Variants in GALNT18 observed in about 807,000 individuals in gnomAD.
GALNT18 encodes GalNAc-transferase 18.
Under a neutral mutation model 69.5 loss-of-function variants are expected in GALNT18, and 44 were observed. That is an observed-to-expected ratio of 0.63 (90% CI 0.50 to 0.81). The LOEUF (loss-of-function observed/expected upper bound fraction) is 0.81. Ranked by LOEUF, GALNT18 falls within the 40% of genes least tolerant of loss-of-function variation. GALNT18 has a pLI of 0.00. For synonymous variants in GALNT18, 364 were observed against 318.2 expected (o/e 1.14, Z -1.53); for missense variants, 715 against 810.0 (o/e 0.88, Z 1.42).
chr11:11,271,388 CTGTG>C (rs1344602137), intron 10 of GALNT18, 98 bp from the exon 11 acceptor site: 1 of 1,278,792 alleles, frequency 7.8e-7, no homozygotes, highest in Non-Finnish European at 1.1e-6. Flanking sequence ...CTGACATTAT[CTGTG>C]TGGCCAGATC....
At chr11:11,426,356 G>A (rs1269015745) in intron 3 of GALNT18, among the ~76,000 whole-genome samples, 9 of 152,186 alleles carry the variant, frequency 5.9e-5, no homozygotes, top group African/African-American at 1.7e-4. Flanking sequence ...GAGCTGAGGC[G>A]GAGGCAGCTG....
At chr11:11,359,517 C>G (rs571403364) in intron 6 of GALNT18, among the ~76,000 whole-genome samples, 7 of 152,294 alleles carry the variant, frequency 4.6e-5, no homozygotes, top group African/African-American at 1.7e-4. Flanking sequence ...TCTGGCTCCT[C>G]TCATTTAGTA....
chr11:11,517,523 A>T (rs1443856244), intron 1 of GALNT18, among the ~76,000 whole-genome samples: 2 of 152,258 alleles, frequency 1.3e-5, no homozygotes, highest in African/African-American at 4.8e-5. Context: ...TGAAATGCAT[A>T]TTTGTGGTGT....
At chr11:11,484,137 T>C (rs1856592495) in intron 1 of GALNT18, among the ~76,000 whole-genome samples, 2 of 152,078 alleles carry the variant, frequency 1.3e-5, no homozygotes, top group South Asian at 4.1e-4. Context: ...CTCTGAGCAA[T>C]TAAAAAGAAA....
rs74541545 is a variant in GALNT18 at position 11,278,635 on chromosome 11, T to C, written c.1678-7345A>G. ...CAAATTTTGCATGTTCTTACTCACA[T>C]ATGGGAGTTAAAATTAAAAAAAAAA... On this transcript the variant is annotated intron_variant, in intron 10 of 10. Coordinates refer to ENST00000227756, the MANE Select transcript of GALNT18 (RefSeq NM_198516.3). Among the ~76,000 whole-genome samples, 1,086 of 151,828 alleles carry C rather than the reference T, an allele frequency of 7.2e-3. 17 individuals are homozygous for C. The highest frequency in any genetic ancestry group is 0.025 in the African/African-American group (1,042 of 41,378).
rs1466308861 is a variant in GALNT18, at chr11:11,341,019, G to A, written c.1093-15C>T. 1 of 1,580,778 alleles carries A rather than the reference G, an allele frequency of 6.3e-7. No individual in the cohort carries two copies. Among genetic ancestry groups the A allele is most frequent in the East Asian group, 2.3e-5 (1 of 43,806 alleles). On this transcript the variant is annotated splice_polypyrimidine_tract_variant and intron_variant, in intron 6 of 10. Coordinates refer to ENST00000227756, the MANE Select transcript of GALNT18 (RefSeq NM_198516.3). The surrounding 1 kb of genome is among the most constrained non-coding windows in gnomAD (Gnocchi z 6.3). ...CACTGCCACACCTGCAGAAGACATG[G>A]AGCCACTTGTCAGAGCCTGCCTGGC...
At chr11:11,517,689 C>A (rs1257035730) in intron 1 of GALNT18, among the ~76,000 whole-genome samples, 1 of 152,000 alleles carries the variant, frequency 6.6e-6, no homozygotes, top group South Asian at 2.1e-4. Flanking sequence ...TAGATGAGGC[C>A]GCAGAAACAG....
At chr11:11,412,472 A>G (rs1854753661) in intron 3 of GALNT18, among the ~76,000 whole-genome samples, 1 of 152,152 alleles carries the variant, frequency 6.6e-6, no homozygotes, top group Non-Finnish European at 1.5e-5. Flanking sequence ...GTCCATCATC[A>G]GATGGCCCTA....
At chr11:11,360,393 C>G (rs180893820) in intron 6 of GALNT18, among the ~76,000 whole-genome samples, 555 of 152,306 alleles carry the variant, frequency 3.6e-3, no homozygotes, top group African/African-American at 0.013. Flanking sequence ...GCACATTAAC[C>G]TGAATTATGC....
chr11:11,437,456 C>T (rs559139500), intron 2 of GALNT18, among the ~76,000 whole-genome samples: 1 of 152,188 alleles, frequency 6.6e-6, no homozygotes, highest in South Asian at 2.1e-4. Flanking sequence ...TGGGGAGCAA[C>T]AACTTAGGGG....
chr11:11,388,294 A>T (rs1281017475), intron 3 of GALNT18, among the ~76,000 whole-genome samples: 3 of 152,162 alleles, frequency 2.0e-5, no homozygotes, highest in Non-Finnish European at 2.9e-5. Flanking sequence ...AGGCTCTCAA[A>T]ACCCACAAAC....
chr11:11,532,001 T>G (rs1857661728), intron 1 of GALNT18, among the ~76,000 whole-genome samples: 1 of 152,184 alleles, frequency 6.6e-6, no homozygotes, highest in South Asian at 2.1e-4. Flanking sequence ...CATGAACATA[T>G]GCATAGGATA....
At chr11:11,419,596 C>CAAAAAAA (rs58012512) in intron 3 of GALNT18, among the ~76,000 whole-genome samples, 43 of 26,562 alleles carry the variant, frequency 1.6e-3, no homozygotes, top group African/African-American at 2.0e-3. Flanking sequence ...GATCCTGTCT[C>CAAAAAAA]AAAAAAAAAA....
rs540599190 is a variant in GALNT18, at chr11:11,585,571, G to A, written c.235+35788C>T. Among the ~76,000 whole-genome samples, 4 of 152,148 alleles carry A rather than the reference G, an allele frequency of 2.6e-5. No individual in the cohort carries two copies. The South Asian group carries it at 8.3e-4, about 32-fold the overall frequency. On this transcript the variant is annotated intron_variant, in intron 1 of 10. Transcript: ENST00000227756. ...GGTTTCTTCCATGTTGGTCAGGCTG[G>A]TCTCGAACTCCCGACCTCAGGTGAT...
intron 1 of GALNT18, among the ~76,000 whole-genome samples, chr11:11,468,924 T>C (rs1856214134): frequency 2.0e-5 from 3 of 152,068 alleles, no homozygotes; most frequent in Admixed American, 1.3e-4. Context: ...GATGGATAGG[T>C]GAATGAGTAT....
At chr11:11,488,729 T>C (rs1856694738) in intron 1 of GALNT18, among the ~76,000 whole-genome samples, 1 of 152,098 alleles carries the variant, frequency 6.6e-6, no homozygotes, top group South Asian at 2.1e-4. Flanking sequence ...GATCCAAGCT[T>C]CTTTTCTCCT....
chr11:11,537,719 A>AAT (rs1857816142), intron 1 of GALNT18, among the ~76,000 whole-genome samples: 1 of 152,218 alleles, frequency 6.6e-6, no homozygotes, highest in Non-Finnish European at 1.5e-5. Flanking sequence ...ATGTTGATTT[A>AAT]GGACCTCACC....
At chr11:11,282,138 G>A (rs940541442) in intron 10 of GALNT18, among the ~76,000 whole-genome samples, 2 of 152,152 alleles carry the variant, frequency 1.3e-5, no homozygotes, top group African/African-American at 4.8e-5. Flanking sequence ...TCTTCCTCCT[G>A]TCCCCCTTCT....
At chr11:11,394,977 A>C (rs1252077275) in intron 3 of GALNT18, among the ~76,000 whole-genome samples, 1 of 152,180 alleles carries the variant, frequency 6.6e-6, no homozygotes, top group African/African-American at 2.4e-5. Flanking sequence ...GCTGTTAGGG[A>C]CCCAGTCTGA....
Sources: allele counts gnomAD v4.1 joint callset (sites outside exome capture counted in the v4.1 genomes callset), GRCh38; gene constraint gnomAD v4.1.1; non-coding constraint Gnocchi (gnomAD v3.1); transcripts MANE v1.5; gene names NCBI Gene and HGNC (gene_info 2026-07-23, HGNC 2026-07-21).